SLC25A38: variants seen among roughly 807,000 people sequenced by gnomAD.
SLC25A38 encodes solute carrier family 25 member 38.
SLC25A38 carries 27 observed loss-of-function variants against 33.4 expected under a neutral mutation model. The ratio of observed to expected loss-of-function variants is 0.81; its 90% CI spans 0.60 to 1.11. SLC25A38 has a LOEUF of 1.11. Ranked by LOEUF, SLC25A38 falls within the 50% of genes most tolerant of loss-of-function variation. The pLI, the probability that SLC25A38 is intolerant of heterozygous loss-of-function variation, is 0.00. For missense variants in SLC25A38, 344 were observed against 388.8 expected (o/e 0.88, Z 0.97); for synonymous variants, 123 against 145.9 (o/e 0.84, Z 1.13).
chr3:39,392,021 G>C lies in SLC25A38; in HGVS notation c.625G>C (p.Asp209His), dbSNP rs146864395. 21 of 1,614,062 alleles carry C rather than the reference G, an allele frequency of 1.3e-5. No individual in the cohort carries two copies. The highest frequency in any genetic ancestry group is 1.5e-5 in the Non-Finnish European group (18 of 1,180,032). Residue 209 changes from aspartate (D) to histidine (H), a missense_variant and splice_region_variant, in exon 5 of 7, where the codon GAC becomes CAC. Asp to His is a moderately conservative substitution (Grantham distance 81, BLOSUM62 -1). Coordinates refer to ENST00000650617, the MANE Select transcript of SLC25A38 (RefSeq NM_017875.4). ...CCAGACCAAAAATATAGTGCCTCAT[G>C]GTAGGGATAAAGGAAGATCTGGGGA... is the stretch of plus-strand genomic sequence containing the variant. ...YNQTKNIVPH[D>H]QVDATLIPIT...
In SLC25A38 at chr3:39,389,181, A is replaced by G. The variant is rs936252353; in HGVS notation, c.70-314A>G. 6.6e-6 allele frequency among the ~76,000 whole-genome samples: 1 copy of G among 152,246 alleles called. No individual in the cohort carries two copies. Among genetic ancestry groups the G allele is most frequent in the Non-Finnish European group, 1.5e-5 (1 of 68,040 alleles). On this transcript the variant is annotated intron_variant, in intron 1 of 6. Coordinates refer to ENST00000650617, the MANE Select transcript of SLC25A38 (RefSeq NM_017875.4). The surrounding 1 kb of genome is among the most constrained non-coding windows in gnomAD (Gnocchi z 4.5). Reference sequence around the variant, plus strand: ...CTTTTGCAAAGATAGGGAGATGACCAGTAACTTTTTGAGTCAGAACAAATA... The same window carrying G: ...CTTTTGCAAAGATAGGGAGATGACCGGTAACTTTTTGAGTCAGAACAAATA...
rs769624403 is a variant in SLC25A38, at chr3:39,396,531, A to G, written c.*11A>G. 6.2e-7 allele frequency: 1 copy of G among 1,613,960 alleles called. No individual in the cohort carries two copies. The highest frequency in any genetic ancestry group is 1.1e-5 in the South Asian group (1 of 91,074). ...GGCCTGAAGTCCTGACCAAGAGAGG[A>G]CTGGGAACGGGTGAAATCTGTTGCC... On this transcript the variant is annotated 3_prime_UTR_variant, in exon 7 of 7. Transcript: ENST00000650617.
intron 1 of SLC25A38, chr3:39,384,664 C>T (rs368640553): frequency 5.3e-5 from 21 of 398,462 alleles, no homozygotes; most frequent in African/African-American, 3.9e-4. Flanking sequence ...GTAGGAATTG[C>T]TTGTGGATCC....
rs375182491 is a variant in SLC25A38 at position 39,383,686 on chromosome 3, G to C, written c.-39G>C. On this transcript the variant is annotated 5_prime_UTR_variant, in exon 1 of 7. Transcript: ENST00000650617. ...GGGCTGGGCCCAAGCGCCCGTCGAC[G>C]GCACCCTGGGCCCAGAGGACTCGCG... is the stretch of plus-strand genomic sequence containing the variant. 1.4e-5 allele frequency: 23 copies of C among 1,613,014 alleles called. No individual in the cohort carries two copies. The highest frequency in any genetic ancestry group is 1.8e-5 in the Non-Finnish European group (21 of 1,179,274).
Position 39,383,650 on chromosome 3 carries a change from C to A in SLC25A38, c.-75C>A, listed in dbSNP as rs915915921. On this transcript the variant is annotated 5_prime_UTR_variant, in exon 1 of 7. Transcript: ENST00000650617. ...GCTAGCGCCACCCCCTAGCCTTCTTCAAGGCCTCCAGGGCTGGGCCCAAGC... is the reference window on the plus strand; with the variant it reads ...GCTAGCGCCACCCCCTAGCCTTCTTAAAGGCCTCCAGGGCTGGGCCCAAGC... 1 of 1,569,366 alleles carries A rather than the reference C, an allele frequency of 6.4e-7. No individual in the cohort carries two copies. The highest frequency in any genetic ancestry group is 8.8e-7 in the Non-Finnish European group (1 of 1,140,966).
rs1396994447 is a variant in SLC25A38 at position 39,389,534 on chromosome 3, A to G, written c.109A>G (p.Ser37Gly). The G allele has an allele frequency of 1.2e-6, 2 of 1,614,226 alleles. No individual in the cohort carries two copies. The highest frequency in any genetic ancestry group is 8.5e-7 in the Non-Finnish European group (1 of 1,180,044). Residue 37 changes from serine (S) to glycine (G), a missense_variant, in exon 2 of 7, where the codon AGT becomes GGT. Physicochemically the swap from Ser to Gly is moderately conservative, Grantham distance 56. Transcript: ENST00000650617. This position sits in a 1 kb window ranked among gnomAD's most constrained non-coding sequence, Gnocchi z 4.5. ...VIKAFLCGSISGTCSTLLFQP... is the reference protein window; with the variant it reads ...VIKAFLCGSIGGTCSTLLFQP... ...CAAGGCTTTCCTGTGTGGCTCCATC[A>G]GTGGGACCTGCTCTACCCTCCTTTT... is the stretch of plus-strand genomic sequence containing the variant.
intron 4 of SLC25A38, 50 bp from the exon 5 acceptor site, chr3:39,391,803 T>C (rs767978358): frequency 1.2e-6 from 2 of 1,612,518 alleles, no homozygotes; most frequent in Non-Finnish European, 1.7e-6. Flanking sequence ...TGTTCAGTGC[T>C]GAAATGCAGC....
chr3:39,383,859 G>A lies in SLC25A38; in HGVS notation c.69+66G>A, dbSNP rs977359868. On this transcript the variant is annotated intron_variant, in intron 1 of 6. Coordinates refer to ENST00000650617, the MANE Select transcript of SLC25A38 (RefSeq NM_017875.4). ...GCGGGCTCGGGCCGGAGAATTCGGG[G>A]CGTTGCTAAGGCTCGGCTACCCTTT... is the stretch of plus-strand genomic sequence containing the variant. The A allele has an allele frequency of 7.0e-6, 11 of 1,572,022 alleles. No homozygotes were observed. In the African/African-American group the frequency reaches 1.2e-4, roughly 17 times the overall value.
chr3:39,392,398 T>C lies in SLC25A38; in HGVS notation c.625+377T>C, dbSNP rs576399867. On this transcript the variant is annotated intron_variant, in intron 5 of 6. Transcript: ENST00000650617. ...CCTTGGGGTACAACCTAGGAGTCTG[T>C]ATTTTTCAAGACGCACTTGATGTGA... Among the ~76,000 whole-genome samples, 72 of 152,276 alleles carry C rather than the reference T, an allele frequency of 4.7e-4. 2 individuals carry two copies. The South Asian group carries it at 0.015, about 31-fold the overall frequency.
intron 1 of SLC25A38, among the ~76,000 whole-genome samples, chr3:39,387,561 G>A (rs1484813499): frequency 1.3e-5 from 2 of 152,206 alleles, no homozygotes; most frequent in African/African-American, 4.8e-5. Flanking sequence ...GTGGATTGGA[G>A]AAGAGGCAAG....
chr3:39,383,516 A>T lies in SLC25A38; in HGVS notation c.-209A>T, dbSNP rs143903497. Reference sequence around the variant, plus strand: ...AAGAGCGGCGCGTAATTCCCGCAGCAAGATTGTTCCGCGCCCGCAGCCCCT... The same window carrying T: ...AAGAGCGGCGCGTAATTCCCGCAGCTAGATTGTTCCGCGCCCGCAGCCCCT... On this transcript the variant is annotated 5_prime_UTR_variant, in exon 1 of 7. Coordinates refer to ENST00000650617, the MANE Select transcript of SLC25A38 (RefSeq NM_017875.4). 2 of 602,544 alleles carry T rather than the reference A, an allele frequency of 3.3e-6. No individual in the cohort carries two copies. The highest frequency in any genetic ancestry group is 6.0e-6 in the Non-Finnish European group (2 of 335,202). 37.3% of individuals were successfully genotyped at this position (602,544 alleles called of 1,614,324 possible). A position where few individuals can be genotyped will look rare whatever the true frequency, so the allele number is the denominator to read the frequency against.
At chr3:39,383,860 C>G in intron 1 of SLC25A38, 67 bp downstream of exon 1, 1 of 1,568,884 alleles carries the variant, frequency 6.4e-7, no homozygotes, top group East Asian at 2.3e-5. Context: ...GAATTCGGGG[C>G]GTTGCTAAGG....
At chr3:39,393,741 C>T (rs1282133147) in intron 5 of SLC25A38, among the ~76,000 whole-genome samples, 1 of 152,184 alleles carries the variant, frequency 6.6e-6, no homozygotes, top group African/African-American at 2.4e-5. Flanking sequence ...TCAAGTGATC[C>T]TCCCGCCTCG....
At chr3:39,390,272 G>T in intron 2 of SLC25A38, 151 bp from the exon 3 acceptor site, 1 of 796,356 alleles carries the variant, frequency 1.3e-6, no homozygotes, top group South Asian at 1.4e-5. Flanking sequence ...GCCAACCTAC[G>T]AACACATAGA....
chr3:39,383,486 G>A lies in SLC25A38; in HGVS notation c.-239G>A. ...AGCAGAGCCGCGGAGTCTGCGGCGC[G>A]GGTGAAGAGCGGCGCGTAATTCCCG... On this transcript the variant is annotated 5_prime_UTR_variant, in exon 1 of 7. Coordinates refer to ENST00000650617, the MANE Select transcript of SLC25A38 (RefSeq NM_017875.4). 1.8e-6 allele frequency: 1 copy of A among 565,844 alleles called. No individual in the cohort carries two copies. The highest frequency in any genetic ancestry group is 3.1e-5 in the Admixed American group (1 of 32,576). 35.1% of individuals were successfully genotyped at this position (565,844 alleles called of 1,614,324 possible).
At chr3:39,385,007 G>A (rs1451298628) in intron 1 of SLC25A38, among the ~76,000 whole-genome samples, 6 of 151,918 alleles carry the variant, frequency 3.9e-5, no homozygotes, top group Non-Finnish European at 1.5e-5. Flanking sequence ...TCACCATGTT[G>A]GCCAGGCTGG....
intron 1 of SLC25A38, chr3:39,384,281 G>C (rs944188022): frequency 6.6e-5 from 13 of 195,604 alleles, no homozygotes; most frequent in Middle Eastern, 1.8e-3. Flanking sequence ...CAGCCTGTTG[G>C]GACGGCGCGT....
At chr3:39,388,927 G>A (rs1279705897) in intron 1 of SLC25A38, among the ~76,000 whole-genome samples, 1 of 152,202 alleles carries the variant, frequency 6.6e-6, no homozygotes, top group Non-Finnish European at 1.5e-5. Context: ...GAGGCTACTG[G>A]TCTGTAGGAC....
intron 1 of SLC25A38, chr3:39,384,494 G>C: frequency 5.2e-6 from 2 of 388,222 alleles, no homozygotes; most frequent in East Asian, 7.3e-5. Flanking sequence ...TTGCGCCCGA[G>C]GTAGGGGCGG....
Sources: gnomAD v4.1 joint callset for allele counts (sites outside exome capture counted in the v4.1 genomes callset) on GRCh38, gnomAD v4.1.1 for gene constraint, Gnocchi (gnomAD v3.1) non-coding constraint, MANE v1.5 for transcripts, NCBI Gene and HGNC (gene_info 2026-07-23, HGNC 2026-07-21) for gene names.